Variants in EFNB2 observed in about 807,000 individuals in gnomAD.
The protein encoded by EFNB2 is ephrin B2, also known as ephrin-B2.
EFNB2 carries 5 observed loss-of-function variants against 32.1 expected under a neutral mutation model. The ratio of observed to expected loss-of-function variants is 0.16; its 90% confidence interval spans 0.08 to 0.33. The LOEUF is 0.33. Among genes scored for constraint, EFNB2 ranks in the 10% least tolerant of loss-of-function variants. The pLI is 1.00. For missense variants in EFNB2, 263 were observed against 422.6 expected, an observed-to-expected ratio of 0.62 and a Z score of 3.31; for synonymous variants, 168 against 166.5, an observed-to-expected ratio of 1.01 and a Z score of -0.07.
At chr13:106,495,967 G>A in intron 2 of EFNB2, 127 bp from the exon 3 acceptor site, 1 of 902,580 alleles carries the variant, frequency 1.1e-6, no homozygotes, top group Non-Finnish European at 1.6e-6. Flanking sequence ...TTAGTCACAA[G>A]TTTTCTGAAA....
At chr13:106,499,610 G>C (rs753955289) in intron 2 of EFNB2, among the ~76,000 whole-genome samples, 1 of 152,072 alleles carries the variant, frequency 6.6e-6, no homozygotes, top group Non-Finnish European at 1.5e-5. Context: ...CACAATCATA[G>C]TATTGCTACA....
intron 1 of EFNB2, among the ~76,000 whole-genome samples, chr13:106,528,594 T>C (rs887283422): frequency 1.3e-5 from 2 of 152,192 alleles, no homozygotes; most frequent in Non-Finnish European, 2.9e-5. Flanking sequence ...TTCAATGTCT[T>C]GAGAGTTCAG....
In EFNB2 at chr13:106,490,965, G is replaced by A. The variant is rs1878382042; in HGVS notation, c.*2075C>T. 6.6e-6 allele frequency: 1 copy of A among 152,240 alleles called. No individual in the cohort carries two copies. The highest frequency in any genetic ancestry group is 1.5e-5 in the Non-Finnish European group (1 of 67,988). 9.4% of individuals were successfully genotyped at this position (152,240 alleles called of 1,614,324 possible). A position where few individuals can be genotyped will look rare whatever the true frequency, so the allele number is the denominator to read the frequency against. On this transcript the variant is annotated 3_prime_UTR_variant, in exon 5 of 5. Transcript: ENST00000646441. ...TACATTTTTTTTCCCTTCCAATTCA[G>A]AAAGCAAAGTGTTACCATAGTAACA...
intron 1 of EFNB2, among the ~76,000 whole-genome samples, chr13:106,528,167 G>A (rs906875474): frequency 7.2e-5 from 11 of 152,210 alleles, no homozygotes; most frequent in African/African-American, 2.7e-4. Flanking sequence ...AATACAGACT[G>A]CTGCATTAAG....
At chr13:106,534,222 G>C (rs993373729) in intron 1 of EFNB2, among the ~76,000 whole-genome samples, 1 of 152,144 alleles carries the variant, frequency 6.6e-6, no homozygotes, top group Non-Finnish European at 1.5e-5. Context: ...CCGTCTCCCC[G>C]GCGCGGAGGA....
intron 1 of EFNB2, among the ~76,000 whole-genome samples, chr13:106,531,493 A>C (rs1377302612): frequency 6.6e-6 from 1 of 152,232 alleles, no homozygotes; most frequent in Non-Finnish European, 1.5e-5. Flanking sequence ...AGCATAGTTC[A>C]AGGGGCTATT....
Position 106,492,539 on chromosome 13 carries a change from G to A in EFNB2, c.*501C>T, listed in dbSNP as rs1878442125. ...TGCAGAGCCCTGGGTAACAGAACGA[G>A]TGAGACAGTAAGGACTAAACTCTAG... is the stretch of plus-strand genomic sequence containing the variant. On this transcript the variant is annotated 3_prime_UTR_variant, in exon 5 of 5. Coordinates refer to ENST00000646441, the MANE Select transcript of EFNB2 (RefSeq NM_004093.4). This position sits in a 1 kb window ranked among gnomAD's most constrained non-coding sequence, Gnocchi z 5.1. 6.4e-6 allele frequency: 1 copy of A among 157,068 alleles called. No individual in the cohort carries two copies. The highest frequency in any genetic ancestry group is 1.4e-5 in the Non-Finnish European group (1 of 70,676). The allele number at this position is 157,068 out of a possible 1,614,324, so 9.7% of individuals were successfully genotyped here. A position where few individuals can be genotyped will look rare whatever the true frequency, so the allele number is the denominator to read the frequency against.
At chr13:106,502,814 C>T (rs1295195943) in intron 2 of EFNB2, among the ~76,000 whole-genome samples, 1 of 150,190 alleles carries the variant, frequency 6.7e-6, no homozygotes, top group East Asian at 1.9e-4. Context: ...AAGCTACTGG[C>T]TACAGACACT....
intron 2 of EFNB2, 38 bp downstream of exon 2, chr13:106,512,491 T>G: frequency 7.3e-7 from 1 of 1,365,510 alleles, no homozygotes; most frequent in Middle Eastern, 2.5e-4. Flanking sequence ...ATAGCTTATC[T>G]TAATTTCTAT....
rs753243306 is a variant in EFNB2, at chr13:106,493,423, T to C, written c.619A>G (p.Ser207Gly). 2.5e-6 allele frequency: 4 copies of C among 1,608,986 alleles called. No homozygotes were observed. The Admixed American group carries it at 5.0e-5, about 20-fold the overall frequency. The change falls in exon 5 of 5, where the codon AGC becomes GGC. Residue 207 changes from serine to glycine, a missense_variant. This residue lies in a region of EFNB2 where 172 missense variants were observed against 237.1 expected (regional missense o/e 0.73). Coordinates refer to ENST00000646441, the MANE Select transcript of EFNB2 (RefSeq NM_004093.4). The surrounding 1 kb of genome is among the most constrained non-coding windows in gnomAD (Gnocchi z 6.1). Reference sequence around the variant, plus strand: ...TGTCCGGCGCTGTTGCCGTCTGTGCTAGAACCTGCAGACGCGGAGACAGAA... The same window carrying C: ...TGTCCGGCGCTGTTGCCGTCTGTGCCAGAACCTGCAGACGCGGAGACAGAA... ...SPFVKPNPGSSTDGNSAGHSG... is the reference protein window; with the variant it reads ...SPFVKPNPGSGTDGNSAGHSG...
At chr13:106,504,296 G>A (rs569600441) in intron 2 of EFNB2, among the ~76,000 whole-genome samples, 4 of 152,298 alleles carry the variant, frequency 2.6e-5, no homozygotes, top group Non-Finnish European at 2.9e-5. Context: ...AACATCCATC[G>A]GAGGCAGAGT....
Position 106,492,839 on chromosome 13 carries a change from G to A in EFNB2, c.*201C>T. On this transcript the variant is annotated 3_prime_UTR_variant, in exon 5 of 5. Transcript: ENST00000646441. The surrounding 1 kb of genome is among the most constrained non-coding windows in gnomAD (Gnocchi z 5.1). ...TCTGCACAGTCTTCCAGCTTCCAGG[G>A]AGCGTGTGTGTTCACCAAGGCCGAA... 1 of 641,008 alleles carries A rather than the reference G, an allele frequency of 1.6e-6. No homozygotes were observed. Among genetic ancestry groups the A allele is most frequent in the East Asian group, 2.8e-5 (1 of 35,638 alleles). 39.7% of individuals were successfully genotyped at this position (641,008 alleles called of 1,614,324 possible).
rs556709128 is a variant in EFNB2 at position 106,512,357 on chromosome 13, C to A, written c.406+172G>T. ...TTAATGAATACTGGTAGCACAGGGT[C>A]CCAAATTCAATGAAGTTTTCTTTGA... is the stretch of plus-strand genomic sequence containing the variant. On this transcript the variant is annotated intron_variant, in intron 2 of 4. Transcript: ENST00000646441. 3.2e-5 allele frequency among the ~76,000 whole-genome samples: 4 copies of A among 126,066 alleles called. No individual in the cohort carries two copies. In the East Asian group the frequency reaches 9.4e-4, roughly 29 times the overall value. The allele number at this position is 126,066 out of a possible 152,430, so 82.7% of individuals were successfully genotyped here.
intron 1 of EFNB2, chr13:106,520,535 G>A (rs149162301): frequency 6.6e-6 from 1 of 152,308 alleles, no homozygotes; most frequent in African/African-American, 2.4e-5. Flanking sequence ...TTGGGAATAC[G>A]AATACTCCCA....
At chr13:106,523,287 CA>C (rs1196311343) in intron 1 of EFNB2, among the ~76,000 whole-genome samples, 4 of 152,162 alleles carry the variant, frequency 2.6e-5, no homozygotes, top group Non-Finnish European at 4.4e-5. Context: ...ATCGCCCCCA[CA>C]ACTGTGTACC....
At chr13:106,530,622 T>A (rs1242821182) in intron 1 of EFNB2, among the ~76,000 whole-genome samples, 2 of 152,158 alleles carry the variant, frequency 1.3e-5, no homozygotes, top group East Asian at 1.9e-4. Flanking sequence ...TTCCTAAAAA[T>A]TTTTTTATTA....
intron 1 of EFNB2, chr13:106,520,854 G>C (rs955852709): frequency 2.6e-5 from 4 of 152,166 alleles, no homozygotes; most frequent in Admixed American, 2.6e-4. Context: ...TCTGAAATCA[G>C]AGAAATACTG....
chr13:106,520,746 T>G (rs1388685036), intron 1 of EFNB2: 2 of 145,988 alleles, frequency 1.4e-5, no homozygotes, highest in African/African-American at 4.9e-5. Flanking sequence ...CAGGCAGTAA[T>G]AAGAAATACT....
intron 2 of EFNB2, among the ~76,000 whole-genome samples, chr13:106,511,134 G>T (rs1879129565): frequency 6.6e-6 from 1 of 152,096 alleles, no homozygotes; most frequent in African/African-American, 2.4e-5. Flanking sequence ...CTACTATGCT[G>T]CATACTTGGC....
Sources: gnomAD v4.1 joint callset for allele counts (sites outside exome capture counted in the v4.1 genomes callset) on GRCh38, gnomAD v4.1.1 for gene constraint, gnomAD v4.1.1 regional missense constraint, Gnocchi (gnomAD v3.1) non-coding constraint, MANE v1.5 for transcripts, NCBI Gene and HGNC (gene_info 2026-07-23, HGNC 2026-07-21) for gene names.